The following ATRN variants were observed in gnomAD, a reference collection of about 807,000 sequenced individuals.
ATRN encodes the protein attractin.
A neutral mutation model predicts 178.7 loss-of-function variants in ATRN; 54 were observed. The observed-to-expected ratio is 0.30, with a 90% CI of 0.24 to 0.38. The LOEUF is 0.38. Among genes scored for constraint, ATRN ranks in the 10% least tolerant of loss-of-function variants. The probability of loss-of-function intolerance (pLI) is 1.00; values close to 1 mark genes in which losing one functional copy is unlikely to be tolerated. For synonymous variants in ATRN, 636 were observed against 663.0 expected (o/e 0.96, Z 0.63); for missense variants, 1,443 against 1,815.1 (o/e 0.79, Z 3.73).
At chr20:3,479,003 C>A (rs1015264559) in intron 1 of ATRN, among the ~76,000 whole-genome samples, 1 of 145,938 alleles carries the variant, frequency 6.9e-6, no homozygotes, top group Non-Finnish European at 1.5e-5. Context: ...CTCAAGTGAT[C>A]CTGCCACCTC....
In ATRN at chr20:3,490,940, C is replaced by T. The variant is rs572532969; in HGVS notation, c.410+19423C>T. 8.4e-5 allele frequency: 124 copies of T among 1,483,232 alleles called. No homozygotes were observed. The African/African-American group carries it at 1.2e-3, about 15-fold the overall frequency. 91.9% of individuals were successfully genotyped at this position (1,483,232 alleles called of 1,614,324 possible). A position where few individuals can be genotyped will look rare whatever the true frequency, so the allele number is the denominator to read the frequency against. ...ACTTCTTAGTGAGCATCTCTTTGGC[C>T]ATGACGTCCATGAGCCTTTCCTTCT... On this transcript the variant is annotated intron_variant, in intron 1 of 28. Transcript: ENST00000262919.
At chr20:3,574,332 TGA>T (rs2086173628) in intron 12 of ATRN, among the ~76,000 whole-genome samples, 2 of 152,144 alleles carry the variant, frequency 1.3e-5, no homozygotes, top group Admixed American at 1.3e-4. Context: ...GGCAACATAG[TGA>T]GACCCTGTCT....
chr20:3,606,143 T>C (rs986699501), intron 24 of ATRN, among the ~76,000 whole-genome samples: 1 of 152,346 alleles, frequency 6.6e-6, no homozygotes, highest in East Asian at 1.9e-4. Context: ...GCCAGTCTTG[T>C]AAGCATCAGC....
At chr20:3,480,932 C>T (rs2084611669) in intron 1 of ATRN, among the ~76,000 whole-genome samples, 1 of 152,134 alleles carries the variant, frequency 6.6e-6, no homozygotes, top group Non-Finnish European at 1.5e-5. Flanking sequence ...ATTTCCAAAA[C>T]TGAAATGAAA....
intron 1 of ATRN, among the ~76,000 whole-genome samples, chr20:3,513,743 T>A (rs2085168500): frequency 6.6e-6 from 1 of 152,224 alleles, no homozygotes; most frequent in South Asian, 2.1e-4. Context: ...TGTTCTTCCA[T>A]TTGTTTGTGC....
At chr20:3,490,636 A>G in intron 1 of ATRN, 2 of 951,378 alleles carry the variant, frequency 2.1e-6, no homozygotes, top group Admixed American at 1.7e-5. Context: ...TGTGAACTCC[A>G]CCAAGTTTTG....
chr20:3,599,901 G>A (rs1156491807), intron 22 of ATRN, among the ~76,000 whole-genome samples: 4 of 152,136 alleles, frequency 2.6e-5, no homozygotes, highest in African/African-American at 7.2e-5. Context: ...GAAACTTCTG[G>A]TTTAATGATC....
chr20:3,478,307 G>A (rs950756501), intron 1 of ATRN, among the ~76,000 whole-genome samples: 2 of 152,072 alleles, frequency 1.3e-5, no homozygotes, highest in African/African-American at 4.8e-5. Flanking sequence ...CCACTGATGG[G>A]CTATCCAGCC....
chr20:3,498,721 A>G (rs1356701966), intron 1 of ATRN, among the ~76,000 whole-genome samples: 2 of 151,922 alleles, frequency 1.3e-5, no homozygotes, highest in Non-Finnish European at 2.9e-5. Flanking sequence ...CCCACAGCTA[A>G]TATCATACTG....
At chr20:3,623,937 T>C (rs554532488) in intron 24 of ATRN, among the ~76,000 whole-genome samples, 24 of 152,320 alleles carry the variant, frequency 1.6e-4, no homozygotes, top group African/African-American at 5.5e-4. Flanking sequence ...ATGAAATATG[T>C]TGCATTTTTA....
intron 1 of ATRN, among the ~76,000 whole-genome samples, chr20:3,524,783 GAAC>G (rs2085342165): frequency 1.3e-5 from 2 of 152,280 alleles, no homozygotes; most frequent in East Asian, 3.9e-4. Context: ...CATGGAAACT[GAAC>G]AACCTTCTCC....
chr20:3,598,029 G>T (rs770392689), intron 22 of ATRN, 29 bp downstream of exon 22: 4 of 1,459,076 alleles, frequency 2.7e-6, no homozygotes, highest in Non-Finnish European at 3.8e-6. Flanking sequence ...TTCCTATTTT[G>T]TTTTGAATTT....
intron 3 of ATRN, among the ~76,000 whole-genome samples, chr20:3,543,312 A>G (rs2085650977): frequency 6.6e-6 from 1 of 152,200 alleles, no homozygotes; most frequent in Non-Finnish European, 1.5e-5. Flanking sequence ...AGTGACTCAC[A>G]TGTAGTAAGT....
At chr20:3,573,811 C>T (rs1335008552) in intron 12 of ATRN, among the ~76,000 whole-genome samples, 3 of 151,804 alleles carry the variant, frequency 2.0e-5, no homozygotes, top group Non-Finnish European at 4.4e-5. Flanking sequence ...GTCGCTCAGG[C>T]TGGAGTACAG....
chr20:3,613,159 C>T (rs1422947401), intron 24 of ATRN, among the ~76,000 whole-genome samples: 1 of 152,208 alleles, frequency 6.6e-6, no homozygotes, highest in East Asian at 1.9e-4. Flanking sequence ...ATGAATGCTG[C>T]ATTCAGGAGC....
chr20:3,525,765 G>A (rs1285433684), intron 1 of ATRN, among the ~76,000 whole-genome samples: 2 of 152,086 alleles, frequency 1.3e-5, no homozygotes, highest in Non-Finnish European at 2.9e-5. Flanking sequence ...ATCAATAAAC[G>A]TAATCCATCA....
chr20:3,628,943 A>T (rs1005685426), intron 25 of ATRN: 5 of 984,138 alleles, frequency 5.1e-6, no homozygotes, highest in Non-Finnish European at 1.2e-6. Context: ...CTCTGACTGG[A>T]CTCTGCCTTC....
chr20:3,482,426 G>T (rs574153266), intron 1 of ATRN, among the ~76,000 whole-genome samples: 2 of 151,954 alleles, frequency 1.3e-5, no homozygotes, highest in Admixed American at 1.3e-4. Context: ...ATTTTTTTGC[G>T]TGTTTTGATT....
intron 1 of ATRN, among the ~76,000 whole-genome samples, chr20:3,533,585 T>G (rs1487330701): frequency 1.3e-5 from 2 of 152,128 alleles, no homozygotes; most frequent in Non-Finnish European, 2.9e-5. Flanking sequence ...AGCCGCTATC[T>G]TGGATTATGA....
Sources: gnomAD v4.1 joint callset for allele counts (sites outside exome capture counted in the v4.1 genomes callset) on GRCh38, gnomAD v4.1.1 for gene constraint, MANE v1.5 for transcripts, NCBI Gene and HGNC (gene_info 2026-07-23, HGNC 2026-07-21) for gene names.